The following ACYP2 variants were observed in gnomAD, a reference collection of about 807,000 sequenced individuals.
The protein encoded by ACYP2 is acylphosphatase-2.
A neutral mutation model predicts 11.2 loss-of-function variants in ACYP2; 12 were observed. The observed-to-expected ratio is 1.08, with a 90% CI of 0.69 to 1.74. The LOEUF (loss-of-function observed/expected upper bound fraction) is 1.74. Among genes scored for constraint, ACYP2 ranks in the 40% most tolerant of loss-of-function variants. The pLI, the probability that ACYP2 is intolerant of heterozygous loss-of-function variation, is 0.00. For missense variants in ACYP2, 134 were observed against 101.9 expected (o/e 1.31, Z -1.35); for synonymous variants, 43 against 32.2 (o/e 1.33, Z -1.13).
chr2:54,059,040 C>T (rs1033855174), intron 4 of ACYP2, among the ~76,000 whole-genome samples: 1 of 152,076 alleles, frequency 6.6e-6, no homozygotes. Context: ...CTGGCCTAAG[C>T]CATTAGGCTG....
At chr2:54,253,924 G>A (rs1431393381) in intron 6 of ACYP2, 1 of 150,342 alleles carries the variant, frequency 6.7e-6, no homozygotes, top group African/African-American at 2.5e-5. Flanking sequence ...TTCTGCGGAT[G>A]TTTCTGAACT....
chr2:54,040,649 A>T (rs540774351), intron 2 of ACYP2, among the ~76,000 whole-genome samples: 2 of 152,322 alleles, frequency 1.3e-5, no homozygotes, highest in African/African-American at 4.8e-5. Flanking sequence ...TAAAAACTAT[A>T]TGGAAAGTGG....
intron 6 of ACYP2, among the ~76,000 whole-genome samples, chr2:54,256,607 C>A (rs1687550960): frequency 6.6e-6 from 1 of 152,150 alleles, no homozygotes; most frequent in Non-Finnish European, 1.5e-5. Flanking sequence ...TATTTCTCTT[C>A]CAGTATAGGT....
At position 54,128,728 on chromosome 2, in the gene ACYP2, T is replaced by A. The variant is rs1285667863; in HGVS notation, c.278-6725T>A. Among the ~76,000 whole-genome samples the A allele has an allele frequency of 4.6e-5, 7 of 152,026 alleles. No homozygotes were observed. The East Asian group carries it at 7.7e-4, about 17-fold the overall frequency. On this transcript the variant is annotated intron_variant, in intron 4 of 6. Transcript: ENST00000607452. ...TTTTTTTTCCTTTTCCCCCCTTTTTTAAAAAAAATTCAGTTGGCACAAAGG... is the reference window on the plus strand; with the variant it reads ...TTTTTTTTCCTTTTCCCCCCTTTTTAAAAAAAAATTCAGTTGGCACAAAGG...
At chr2:54,180,643 C>A (rs577647946) in intron 6 of ACYP2, among the ~76,000 whole-genome samples, 1 of 152,132 alleles carries the variant, frequency 6.6e-6, no homozygotes, top group Admixed American at 6.6e-5. Flanking sequence ...CAGTTTCAAC[C>A]TCCTGGGCTC....
chr2:54,222,670 C>T (rs1685849238), intron 6 of ACYP2, among the ~76,000 whole-genome samples: 1 of 152,038 alleles, frequency 6.6e-6, no homozygotes, highest in Non-Finnish European at 1.5e-5. Context: ...CAGAAATCTA[C>T]ATATAAATTA....
chr2:53,971,521 C>T (rs1379691519), intron 1 of ACYP2, among the ~76,000 whole-genome samples: 3 of 152,208 alleles, frequency 2.0e-5, no homozygotes, highest in Non-Finnish European at 4.4e-5. Context: ...AAAATAGTTA[C>T]TCGCTGAACA....
chr2:54,226,151 G>A lies in ACYP2; in HGVS notation c.405-78537G>A, dbSNP rs187104089. ...ATCCCAGACTGGCACCAGTGTGGCC[G>A]AAGTTCACACTGTGTTACTATAAAT... On this transcript the variant is annotated intron_variant, in intron 6 of 6. Coordinates refer to ENST00000607452, the MANE Select transcript of ACYP2 (RefSeq NM_001320586.2). 5.9e-5 allele frequency among the ~76,000 whole-genome samples: 9 copies of A among 152,242 alleles called. 1 individual carries two copies. The highest frequency in any genetic ancestry group is 5.2e-4 in the Admixed American group (8 of 15,284).
chr2:54,254,034 G>A (rs1050813386), intron 6 of ACYP2: 5 of 152,156 alleles, frequency 3.3e-5, no homozygotes, highest in Admixed American at 2.6e-4. Flanking sequence ...GTTCAGGAAG[G>A]GAGGCAAATA....
At chr2:54,096,251 G>A (rs1485926161) in intron 4 of ACYP2, among the ~76,000 whole-genome samples, 20 of 146,446 alleles carry the variant, frequency 1.4e-4, no homozygotes, top group African/African-American at 4.9e-4. Context: ...CGGAGCAGAG[G>A]CGCTCCCCAC....
At chr2:54,299,991 A>G (rs1485341643) in intron 6 of ACYP2, among the ~76,000 whole-genome samples, 1 of 151,584 alleles carries the variant, frequency 6.6e-6, no homozygotes, top group Admixed American at 6.6e-5. Flanking sequence ...CAATCCCTCA[A>G]CTCTTCCTCC....
intron 2 of ACYP2, among the ~76,000 whole-genome samples, chr2:53,991,842 G>A (rs1672312964): frequency 6.6e-6 from 1 of 151,932 alleles, no homozygotes; most frequent in African/African-American, 2.4e-5. Flanking sequence ...ACAAGATGGA[G>A]TGTAGTGGCT....
chr2:54,233,621 T>C (rs553766395), intron 6 of ACYP2, among the ~76,000 whole-genome samples: 2 of 152,190 alleles, frequency 1.3e-5, no homozygotes, highest in Admixed American at 6.5e-5. Flanking sequence ...CATTTTCTTA[T>C]CCCTCCTGTA....
chr2:54,037,340 C>T, intron 2 of ACYP2, among the ~76,000 whole-genome samples: 1 of 152,132 alleles, frequency 6.6e-6, no homozygotes, highest in Admixed American at 6.6e-5. Context: ...GTCTCAAACT[C>T]CTGTTCTCAA....
chr2:53,986,440 G>T (rs1054095114), intron 2 of ACYP2, among the ~76,000 whole-genome samples: 1 of 151,552 alleles, frequency 6.6e-6, no homozygotes, highest in Non-Finnish European at 1.5e-5. Flanking sequence ...GGGTTCAAGC[G>T]ATTCTCCTGC....
chr2:54,017,761 A>G (rs556753201), intron 2 of ACYP2, among the ~76,000 whole-genome samples: 12 of 152,320 alleles, frequency 7.9e-5, no homozygotes, highest in Non-Finnish European at 1.5e-4. Flanking sequence ...GTGAGTAAGT[A>G]CAGGCATCTC....
At chr2:54,171,006 G>T (rs898977807) in intron 6 of ACYP2, among the ~76,000 whole-genome samples, 1 of 152,250 alleles carries the variant, frequency 6.6e-6, no homozygotes, top group East Asian at 1.9e-4. Context: ...TGTACTGGGA[G>T]GCTATCAAGA....
At chr2:54,222,161 C>T (rs1004645867) in intron 6 of ACYP2, among the ~76,000 whole-genome samples, 1 of 152,150 alleles carries the variant, frequency 6.6e-6, no homozygotes, top group Non-Finnish European at 1.5e-5. Context: ...TAGGAAAGGG[C>T]TTGAGTTTTA....
chr2:54,085,466 A>C (rs997278053), intron 4 of ACYP2, among the ~76,000 whole-genome samples: 2 of 152,014 alleles, frequency 1.3e-5, no homozygotes, highest in African/African-American at 2.4e-5. Context: ...CTTTTTTTTT[A>C]AATTCATCTT....
Sources: gnomAD v4.1 joint callset for allele counts (sites outside exome capture counted in the v4.1 genomes callset) on GRCh38, gnomAD v4.1.1 for gene constraint, MANE v1.5 for transcripts, NCBI Gene and HGNC (gene_info 2026-07-23, HGNC 2026-07-21) for gene names.